Variants in DCTN4 observed in about 807,000 individuals in gnomAD.
DCTN4 encodes the protein dynactin 4 (p62).
In DCTN4, 23 loss-of-function variants were observed where a neutral mutation model predicts 62.7. The ratio of observed to expected loss-of-function variants is 0.37; its 90% confidence interval spans 0.26 to 0.52. The LOEUF is 0.52. Ranked by LOEUF, DCTN4 falls within the 20% of genes least tolerant of loss-of-function variation. The probability of loss-of-function intolerance (pLI) is 0.92; values close to 1 mark genes in which losing one functional copy is unlikely to be tolerated. For synonymous variants in DCTN4, 199 were observed against 202.1 expected (o/e 0.98, Z 0.13); for missense variants, 514 against 580.4 (o/e 0.89, Z 1.18).
chr5:150,742,888 C>A, intron 3 of DCTN4: 1 of 158,712 alleles, frequency 6.3e-6, no homozygotes, highest in Non-Finnish European at 1.4e-5. Context: ...CAGCTCCCAG[C>A]GTGACCGACG....
intron 8 of DCTN4, among the ~76,000 whole-genome samples, chr5:150,727,504 C>T (rs574306189): frequency 6.6e-6 from 1 of 151,986 alleles, no homozygotes; most frequent in African/African-American, 2.4e-5. Flanking sequence ...AGGCCGGGCG[C>T]GGTGGCTCAC....
At chr5:150,739,137 C>T (rs1468943484) in intron 4 of DCTN4, among the ~76,000 whole-genome samples, 1 of 150,452 alleles carries the variant, frequency 6.6e-6, no homozygotes, top group Admixed American at 6.6e-5. Flanking sequence ...GCTGAGTTTG[C>T]ACCATTGCAC....
chr5:150,736,592 A>C (rs1760590921), intron 4 of DCTN4, among the ~76,000 whole-genome samples: 1 of 152,194 alleles, frequency 6.6e-6, no homozygotes, highest in Non-Finnish European at 1.5e-5. Flanking sequence ...CCAGCACTAC[A>C]AGAGGTGCTC....
At chr5:150,722,800 A>ATTT in intron 9 of DCTN4, 107 bp downstream of exon 9, 8 of 585,932 alleles carry the variant, frequency 1.4e-5, no homozygotes, top group Admixed American at 3.7e-5. Context: ...TTTTGATGTA[A>ATTT]TTTTTTTTTT....
At chr5:150,736,811 A>G (rs952044218) in intron 4 of DCTN4, among the ~76,000 whole-genome samples, 1 of 152,230 alleles carries the variant, frequency 6.6e-6, no homozygotes, top group Non-Finnish European at 1.5e-5. Context: ...CACTTAAAAA[A>G]TACAGAATTA....
At chr5:150,756,651 TC>T (rs1290372122) in intron 1 of DCTN4, among the ~76,000 whole-genome samples, 164 bp from the exon 2 acceptor site, 2 of 141,242 alleles carry the variant, frequency 1.4e-5, no homozygotes, top group African/African-American at 5.3e-5. Flanking sequence ...TTTTTTTTTT[TC>T]TTCTTCTTCC....
chr5:150,752,295 G>T (rs1258188133), intron 3 of DCTN4, among the ~76,000 whole-genome samples: 1 of 152,106 alleles, frequency 6.6e-6, no homozygotes, highest in East Asian at 1.9e-4. Flanking sequence ...AAAGTTTCGT[G>T]ATAAAATTAA....
At chr5:150,755,364 A>G (rs914284600) in intron 2 of DCTN4, among the ~76,000 whole-genome samples, 1 of 152,154 alleles carries the variant, frequency 6.6e-6, no homozygotes, top group Non-Finnish European at 1.5e-5. Context: ...TGTGACAGTA[A>G]TTTTCCTTCC....
rs1352252630 is a variant in DCTN4 at position 150,710,439 on chromosome 5, T to A, written c.*710A>T. On this transcript the variant is annotated 3_prime_UTR_variant, in exon 13 of 13. Transcript: ENST00000447998. ...CCCCCTTGACATGACATGTAATTGTTTGCTTCTCAAATTCTTCTTAAAAGA... is the reference window on the plus strand; with the variant it reads ...CCCCCTTGACATGACATGTAATTGTATGCTTCTCAAATTCTTCTTAAAAGA... 6.6e-6 allele frequency: 1 copy of A among 152,408 alleles called. No individual in the cohort carries two copies. The highest frequency in any genetic ancestry group is 6.5e-5 in the Admixed American group (1 of 15,288). The allele number at this position is 152,408 out of a possible 1,614,324, so 9.4% of individuals were successfully genotyped here. A position where few individuals can be genotyped will look rare whatever the true frequency, so the allele number is the denominator to read the frequency against.
At chr5:150,716,480 A>T (rs909999464) in intron 11 of DCTN4, among the ~76,000 whole-genome samples, 20 of 152,332 alleles carry the variant, frequency 1.3e-4, no homozygotes, top group African/African-American at 4.6e-4. Flanking sequence ...TCAGAGGTTA[A>T]CAGTTAACAG....
rs558606352 is a variant in DCTN4 at position 150,744,202 on chromosome 5, G to C, written c.386-2045C>G. 7.7e-3 allele frequency among the ~76,000 whole-genome samples: 1,170 copies of C among 152,070 alleles called. 11 individuals carry two copies. Among genetic ancestry groups the C allele is most frequent in the African/African-American group, 0.027 (1,116 of 41,386 alleles). ...AGAAAGGGTATCAGTGACGGAAGAT[G>C]AAATGAATGAAATGAAGCGAGAAGG... On this transcript the variant is annotated intron_variant, in intron 3 of 12. Transcript: ENST00000447998.
chr5:150,718,353 G>C lies in DCTN4; in HGVS notation c.994C>G (p.Pro332Ala). The C allele has an allele frequency of 6.2e-7, 1 of 1,614,030 alleles. No homozygotes were observed. ...ESQVLLTLTN[P>A]VENLTHVTLF... ...GTCACATGGGTGAGGTTCTCAACTG[G>C]ATTTGTAAGAGTCAGGAGGACCTGG... Residue 332 changes from proline to alanine, a missense_variant, in exon 11 of 13, where the codon CCA becomes GCA. Transcript: ENST00000447998.
At chr5:150,750,470 T>C (rs1401648216) in intron 3 of DCTN4, among the ~76,000 whole-genome samples, 2 of 152,148 alleles carry the variant, frequency 1.3e-5, no homozygotes, top group African/African-American at 4.8e-5. Context: ...TATAGAAAAG[T>C]CCTTACACTT....
chr5:150,724,778 T>G (rs1421255893), intron 8 of DCTN4, among the ~76,000 whole-genome samples: 1 of 152,190 alleles, frequency 6.6e-6, no homozygotes, highest in Admixed American at 6.5e-5. Flanking sequence ...CACACTTTTT[T>G]TTGTTTATAT....
chr5:150,746,821 C>T (rs1752455462), intron 3 of DCTN4, among the ~76,000 whole-genome samples: 1 of 152,202 alleles, frequency 6.6e-6, no homozygotes, highest in Admixed American at 6.5e-5. Context: ...CACAAACCCA[C>T]AGCCAATATC....
At chr5:150,730,812 T>A in intron 7 of DCTN4, 72 bp from the exon 8 acceptor site, 1 of 1,250,836 alleles carries the variant, frequency 8.0e-7, no homozygotes. Context: ...TACCAGTAAT[T>A]ACACGAAGCA....
chr5:150,748,481 T>G, intron 3 of DCTN4, among the ~76,000 whole-genome samples: 1 of 151,866 alleles, frequency 6.6e-6, no homozygotes, highest in African/African-American at 2.4e-5. Flanking sequence ...TAAAGACACA[T>G]GCACACATAT....
intron 3 of DCTN4, among the ~76,000 whole-genome samples, chr5:150,746,001 G>A (rs1379347189): frequency 6.6e-6 from 1 of 150,940 alleles, no homozygotes; most frequent in Non-Finnish European, 1.5e-5. Flanking sequence ...ATGAATCCAG[G>A]AGCTGGTTTT....
At chr5:150,737,758 A>G (rs751863228) in intron 4 of DCTN4, among the ~76,000 whole-genome samples, 41 of 152,318 alleles carry the variant, frequency 2.7e-4, no homozygotes, top group Non-Finnish European at 3.7e-4. Context: ...AAGAAAAGAA[A>G]TAACAAAGAT....
Sources: gnomAD v4.1 joint callset for allele counts (sites outside exome capture counted in the v4.1 genomes callset) on GRCh38, gnomAD v4.1.1 for gene constraint, MANE v1.5 for transcripts, NCBI Gene and HGNC (gene_info 2026-07-23, HGNC 2026-07-21) for gene names.